IL27RA: variants seen among roughly 807,000 people sequenced by gnomAD.
The protein encoded by IL27RA is interleukin-27 receptor subunit alpha.
In IL27RA, 61 loss-of-function variants were observed where a neutral mutation model predicts 80.8. That is an observed-to-expected ratio of 0.76 (90% CI 0.61 to 0.93). IL27RA has a LOEUF of 0.93. Ranked by LOEUF, IL27RA falls within the 40% of genes least tolerant of loss-of-function variation. The probability of loss-of-function intolerance (pLI) is 0.00; values close to 1 mark genes in which losing one functional copy is unlikely to be tolerated. For missense variants in IL27RA, 735 were observed against 808.1 expected (o/e 0.91, Z 1.10); for synonymous variants, 316 against 332.5 (o/e 0.95, Z 0.54).
chr19:14,046,132 CCT>C lies in IL27RA; in HGVS notation c.769-21_769-20del, dbSNP rs1568502426. On this transcript the variant is annotated intron_variant, in intron 6 of 13. Coordinates refer to ENST00000263379, the MANE Select transcript of IL27RA (RefSeq NM_004843.4). ...GCGTGATTAATGGGAGACATTAACC[CCT>C]TTTTCCCTTCATCTCTCAGGCCCCA... The C allele has an allele frequency of 6.2e-7, 1 of 1,606,498 alleles. No individual in the cohort carries two copies. Among genetic ancestry groups the C allele is most frequent in the Admixed American group, 1.7e-5 (1 of 58,952 alleles).
At position 14,052,333 on chromosome 19, in the gene IL27RA, G is replaced by GAGCATCC; in HGVS notation, c.*43_*44insAGCATCC. The stretch of plus-strand genomic sequence containing the variant: ...GGGCTGCCAGCCAGGCTAGAGGGAT[G>GAGCATCC]CTCATGCAGGTTGCACCCCAGTCCT... On this transcript the variant is annotated 3_prime_UTR_variant, in exon 14 of 14. Coordinates refer to ENST00000263379, the MANE Select transcript of IL27RA (RefSeq NM_004843.4). 1 of 1,411,634 alleles carries GAGCATCC rather than the reference G, an allele frequency of 7.1e-7. No individual in the cohort carries two copies. The highest frequency in any genetic ancestry group is 9.4e-7 in the Non-Finnish European group (1 of 1,067,212). The allele number at this position is 1,411,634 out of a possible 1,614,324, so 87.4% of individuals were successfully genotyped here. A position where few individuals can be genotyped will look rare whatever the true frequency, so the allele number is the denominator to read the frequency against.
chr19:14,033,067 A>C (rs1427671114), intron 2 of IL27RA, among the ~76,000 whole-genome samples: 2 of 144,532 alleles, frequency 1.4e-5, no homozygotes, highest in Admixed American at 6.9e-5. Flanking sequence ...GCCCAGGAGG[A>C]GTTCAGAGTT....
At chr19:14,038,467 A>G (rs993502958) in intron 2 of IL27RA, among the ~76,000 whole-genome samples, 2 of 150,088 alleles carry the variant, frequency 1.3e-5, no homozygotes, top group African/African-American at 4.9e-5. Context: ...TATCCCAGCT[A>G]CTCTGGAGGC....
At chr19:14,039,964 ACAT>A in intron 4 of IL27RA, 54 bp downstream of exon 4, 1 of 1,562,538 alleles carries the variant, frequency 6.4e-7, no homozygotes, top group Non-Finnish European at 8.8e-7. Flanking sequence ...GACTGAGGCA[ACAT>A]CTCCTAATCT....
Position 14,046,624 on chromosome 19 carries a change from G to A in IL27RA, c.1141+6G>A, listed in dbSNP as rs1976070951. 6.3e-7 allele frequency: 1 copy of A among 1,583,622 alleles called. No individual in the cohort carries two copies. The highest frequency in any genetic ancestry group is 1.2e-5 in the South Asian group (1 of 86,814). On this transcript the variant is annotated splice_donor_region_variant and intron_variant, in intron 8 of 13. Coordinates refer to ENST00000263379, the MANE Select transcript of IL27RA (RefSeq NM_004843.4). ...CCTCAGTGCTCTGTTACCAGGTGAG[G>A]CCCTGGGACACCTGGGTCTCCATCC...
At chr19:14,041,509 G>C (rs1975988758) in intron 4 of IL27RA, among the ~76,000 whole-genome samples, 2 of 152,120 alleles carry the variant, frequency 1.3e-5, no homozygotes, top group Non-Finnish European at 2.9e-5. Context: ...CTGAGATGCA[G>C]ACTTTGGAAT....
At chr19:14,050,535 A>C (rs1976145485) in intron 10 of IL27RA, among the ~76,000 whole-genome samples, 1 of 150,942 alleles carries the variant, frequency 6.6e-6, no homozygotes, top group Admixed American at 6.6e-5. Context: ...AAAAAAGAGA[A>C]TCAAACAAGG....
chr19:14,036,646 A>G (rs768176393), intron 2 of IL27RA, among the ~76,000 whole-genome samples: 2 of 151,132 alleles, frequency 1.3e-5, no homozygotes, highest in Non-Finnish European at 2.9e-5. Context: ...GCATCTCCAC[A>G]TCTGGCTAAT....
chr19:14,039,123 A>G (rs1975949263), intron 2 of IL27RA, among the ~76,000 whole-genome samples: 1 of 151,838 alleles, frequency 6.6e-6, no homozygotes, highest in African/African-American at 2.4e-5. Context: ...CATCGCTACT[A>G]AAAACACAAA....
Position 14,052,255 on chromosome 19 carries a change from C to T in IL27RA, c.1876C>T (p.Leu626Phe), listed in dbSNP as rs1174550622. ...CCTGCCCACACCTGAGGAGCTGGGC[C>T]TTCTGGGGCCCCCCAGGCCACAGGT... ...HFLPTPEELG[L>F]LGPPRPQVLA Residue 626 changes from leucine to phenylalanine, a missense_variant, in exon 14 of 14, where the codon CTT becomes TTT. Leu to Phe is a conservative substitution (Grantham distance 22). Transcript: ENST00000263379. 1 of 1,546,994 alleles carries T rather than the reference C, an allele frequency of 6.5e-7. No homozygotes were observed. Among genetic ancestry groups the T allele is most frequent in the Admixed American group, 2.0e-5 (1 of 49,710 alleles).
At chr19:14,048,698 C>G (rs1031936230) in intron 8 of IL27RA, among the ~76,000 whole-genome samples, 1 of 152,170 alleles carries the variant, frequency 6.6e-6, no homozygotes, top group South Asian at 2.1e-4. Context: ...ACCCCAGCTC[C>G]GTCCCCCTGA....
chr19:14,033,604 G>T (rs1402213930), intron 2 of IL27RA, among the ~76,000 whole-genome samples: 1 of 151,868 alleles, frequency 6.6e-6, no homozygotes, highest in Non-Finnish European at 1.5e-5. Context: ...GGCAGAGGTT[G>T]CGGTGAGCTA....
chr19:14,048,367 A>G (rs906481520), intron 8 of IL27RA, among the ~76,000 whole-genome samples: 1 of 152,216 alleles, frequency 6.6e-6, no homozygotes, highest in Non-Finnish European at 1.5e-5. Context: ...CAAGACCCAC[A>G]AGGATATATG....
At chr19:14,039,411 C>G (rs1975953498) in intron 2 of IL27RA, 97 bp from the exon 3 acceptor site, 3 of 1,400,738 alleles carry the variant, frequency 2.1e-6, no homozygotes, top group Non-Finnish European at 2.9e-6. Context: ...TGAACCCAAG[C>G]AGAGCAGGCT....
rs1976184443 is a variant in IL27RA at position 14,052,238 on chromosome 19, C to T, written c.1859C>T (p.Thr620Ile). Residue 620 changes from threonine (T) to isoleucine (I), a missense_variant, in exon 14 of 14, where the codon ACA becomes ATA. Coordinates refer to ENST00000263379, the MANE Select transcript of IL27RA (RefSeq NM_004843.4). ...DSGYEKHFLP[T>I]PEELGLLGPP... ...GGGTATGAGAAGCACTTCCTGCCCA[C>T]ACCTGAGGAGCTGGGCCTTCTGGGG... The T allele has an allele frequency of 1.3e-6, 2 of 1,578,170 alleles. No homozygotes were observed. Among genetic ancestry groups the T allele is most frequent in the Admixed American group, 1.8e-5 (1 of 55,220 alleles).
At chr19:14,043,316 G>A (rs956814447) in intron 6 of IL27RA, among the ~76,000 whole-genome samples, 2 of 152,220 alleles carry the variant, frequency 1.3e-5, no homozygotes, top group East Asian at 3.9e-4. Context: ...TGAGCCATAA[G>A]GATGGGTGCA....
chr19:14,049,425 G>A (rs1976125520), intron 10 of IL27RA, 111 bp downstream of exon 10: 1 of 1,082,412 alleles, frequency 9.2e-7, no homozygotes, highest in Non-Finnish European at 1.3e-6. Flanking sequence ...GACCATACAT[G>A]GTGTCCTCAA....
chr19:14,051,282 C>T (rs975340163), intron 11 of IL27RA, among the ~76,000 whole-genome samples: 2 of 151,670 alleles, frequency 1.3e-5, no homozygotes, highest in African/African-American at 2.4e-5. Flanking sequence ...CAGTGGCTCA[C>T]GCCTGTAATC....
At chr19:14,042,851 A>G (rs566470536) in intron 6 of IL27RA, 62 bp downstream of exon 6, 21 of 1,435,082 alleles carry the variant, frequency 1.5e-5, no homozygotes, top group South Asian at 8.0e-5. Context: ...AATAACAATG[A>G]CATAAGGCCG....
Sources: allele counts gnomAD v4.1 joint callset (sites outside exome capture counted in the v4.1 genomes callset), GRCh38; gene constraint gnomAD v4.1.1; transcripts MANE v1.5; gene names NCBI Gene and HGNC (gene_info 2026-07-23, HGNC 2026-07-21).